UVRAG: variants seen among roughly 807,000 people sequenced by gnomAD.
UVRAG encodes UV radiation resistance-associated gene protein.
Under a neutral mutation model 78.0 loss-of-function variants are expected in UVRAG, and 19 were observed. That is an observed-to-expected ratio of 0.24 (90% CI 0.17 to 0.36). The LOEUF (loss-of-function observed/expected upper bound fraction) is 0.36, where lower values mean the gene tolerates loss of function less well. UVRAG is among the 10% of genes least tolerant of loss of function. The probability of loss-of-function intolerance (pLI) is 1.00; values close to 1 mark genes in which losing one functional copy is unlikely to be tolerated. For missense variants in UVRAG, 740 were observed against 853.8 expected (o/e 0.87, Z 1.66); for synonymous variants, 323 against 324.6 (o/e 1.00, Z 0.05).
chr11:76,141,271 A>G lies in UVRAG; in HGVS notation c.1958A>G (p.Asn653Ser), dbSNP rs1156469349. ...FASGDQLEAF[N>S]CIPVDSAVAV... is the part of the protein sequence containing the mutation. ...TCAGGTGATCAGCTAGAAGCATTTA[A>G]CTGCATCCCAGTGGACAGTGCTGTG... The change falls in exon 15 of 15, where the codon AAC becomes AGC. Residue 653 changes from asparagine to serine, a missense_variant. Coordinates refer to ENST00000356136, the MANE Select transcript of UVRAG (RefSeq NM_003369.4). 1 of 1,614,230 alleles carries G rather than the reference A, an allele frequency of 6.2e-7. No individual in the cohort carries two copies. Among genetic ancestry groups the G allele is most frequent in the Admixed American group, 1.7e-5 (1 of 60,032 alleles).
chr11:75,962,080 CT>C (rs933676350), intron 7 of UVRAG, among the ~76,000 whole-genome samples: 1 of 151,594 alleles, frequency 6.6e-6, no homozygotes, highest in Non-Finnish European at 1.5e-5. Flanking sequence ...GGAAAAATGT[CT>C]ATTTTGTAAT....
chr11:76,140,114 T>TA lies in UVRAG; in HGVS notation c.1398-597_1398-596insA, dbSNP rs1565177392. ...CCCCCTCCCTCCCTCCCTCCCTCCC[T>TA]CTCTCTCTCTCTCTCTCTCTCTCTC... On this transcript the variant is annotated intron_variant, in intron 14 of 14. Transcript: ENST00000356136. Among the ~76,000 whole-genome samples, 327 of 34,692 alleles carry TA rather than the reference T, an allele frequency of 9.4e-3. 7 individuals carry two copies. Among genetic ancestry groups the TA allele is most frequent in the South Asian group, 0.024 (11 of 450 alleles). 22.8% of individuals were successfully genotyped at this position (34,692 alleles called of 152,430 possible).
intron 3 of UVRAG, among the ~76,000 whole-genome samples, chr11:75,875,937 G>C (rs1946766213): frequency 6.6e-6 from 1 of 152,090 alleles, no homozygotes; most frequent in Non-Finnish European, 1.5e-5. Context: ...ACTTTGGGAC[G>C]CTGAGGTGGG....
At chr11:76,083,426 G>T (rs1371670419) in intron 13 of UVRAG, among the ~76,000 whole-genome samples, 3 of 152,096 alleles carry the variant, frequency 2.0e-5, no homozygotes, top group African/African-American at 7.2e-5. Context: ...AGTTTTGGCT[G>T]TTTTTTCTTT....
At chr11:76,124,982 G>T (rs1029587112) in intron 14 of UVRAG, among the ~76,000 whole-genome samples, 2 of 152,168 alleles carry the variant, frequency 1.3e-5, no homozygotes, top group African/African-American at 4.8e-5. Context: ...TCTTGAAAAT[G>T]AGGCAGTATC....
At chr11:76,040,364 T>C (rs1950622323) in intron 12 of UVRAG, among the ~76,000 whole-genome samples, 1 of 151,614 alleles carries the variant, frequency 6.6e-6, no homozygotes, top group South Asian at 2.1e-4. Flanking sequence ...TCCCAGCTAC[T>C]TGGGAGGCTA....
At chr11:75,997,757 A>G (rs1314993937) in intron 8 of UVRAG, among the ~76,000 whole-genome samples, 18 of 152,234 alleles carry the variant, frequency 1.2e-4, no homozygotes, top group Admixed American at 1.2e-3. Context: ...GGCTGCAGGT[A>G]GGGTTCCTGA....
chr11:76,025,658 C>T (rs1347854314), intron 12 of UVRAG, among the ~76,000 whole-genome samples: 1 of 152,012 alleles, frequency 6.6e-6, no homozygotes, highest in African/African-American at 2.4e-5. Context: ...TTACCAAAAC[C>T]CCAAGAGTTG....
At chr11:76,061,790 TAGTG>T (rs1256858881) in intron 12 of UVRAG, among the ~76,000 whole-genome samples, 2 of 152,196 alleles carry the variant, frequency 1.3e-5, no homozygotes, top group Admixed American at 1.3e-4. Flanking sequence ...TTCTTGAAGT[TAGTG>T]AGACCAAGAA....
chr11:75,843,947 A>G (rs1945974048), intron 1 of UVRAG, among the ~76,000 whole-genome samples: 1 of 149,360 alleles, frequency 6.7e-6, no homozygotes, highest in South Asian at 2.1e-4. Context: ...TGACAGAGCA[A>G]GACGCCATCT....
rs563520430 is a variant in UVRAG at position 76,095,528 on chromosome 11, AAT to A, written c.1306-20391_1306-20390del. 1.8e-3 allele frequency among the ~76,000 whole-genome samples: 268 copies of A among 150,402 alleles called. 1 individual carries two copies. The highest frequency in any genetic ancestry group is 6.1e-3 in the African/African-American group (252 of 41,240). On this transcript the variant is annotated intron_variant, in intron 13 of 14. Coordinates refer to ENST00000356136, the MANE Select transcript of UVRAG (RefSeq NM_003369.4). Reference sequence around the variant, plus strand: ...CTCATATATCATATATTCATATATAAATATATGTCTTATATATCATATATTCA... The same window carrying A: ...CTCATATATCATATATTCATATATAAATATGTCTTATATATCATATATTCA...
intron 3 of UVRAG, among the ~76,000 whole-genome samples, chr11:75,877,630 C>T (rs1271543558): frequency 3.5e-5 from 5 of 140,894 alleles, no homozygotes; most frequent in African/African-American, 8.0e-5. Flanking sequence ...ACCTCCCTCC[C>T]GGACGGAGCG....
chr11:76,021,132 C>T (rs1165003083), intron 12 of UVRAG, among the ~76,000 whole-genome samples: 1 of 152,162 alleles, frequency 6.6e-6, no homozygotes, highest in African/African-American at 2.4e-5. Context: ...TCTGTCTTTC[C>T]TACCGTCTTC....
At chr11:76,081,938 C>CAAAAAAA (rs775703377) in intron 13 of UVRAG, among the ~76,000 whole-genome samples, 3 of 69,662 alleles carry the variant, frequency 4.3e-5, no homozygotes, top group African/African-American at 4.1e-5. Context: ...AGAACCAAAG[C>CAAAAAAA]AAAAAAAAAA....
intron 12 of UVRAG, among the ~76,000 whole-genome samples, chr11:76,059,909 A>G (rs141658588): frequency 3.2e-4 from 49 of 152,204 alleles, no homozygotes; most frequent in African/African-American, 1.1e-3. Context: ...TGGCAGAAGT[A>G]ATCTTAATAT....
intron 5 of UVRAG, among the ~76,000 whole-genome samples, chr11:75,910,539 C>CTTTTTTTTT (rs935961405): frequency 8.1e-6 from 1 of 124,062 alleles, no homozygotes; most frequent in Non-Finnish European, 1.7e-5. Context: ...TCCTTTTTAT[C>CTTTTTTTTT]TTTTTTTTTT....
intron 12 of UVRAG, among the ~76,000 whole-genome samples, chr11:76,030,574 C>G (rs1950417619): frequency 6.6e-6 from 1 of 152,092 alleles, no homozygotes; most frequent in African/African-American, 2.4e-5. Flanking sequence ...AGTCATATCC[C>G]CAGGTTCCTT....
intron 12 of UVRAG, among the ~76,000 whole-genome samples, chr11:76,017,695 T>C (rs1950174894): frequency 6.6e-6 from 1 of 152,160 alleles, no homozygotes; most frequent in Middle Eastern, 3.2e-3. Flanking sequence ...GAAAGCTGAT[T>C]TCTCAATGGA....
At chr11:76,127,910 TTGCACCAC>T (rs1952439945) in intron 14 of UVRAG, among the ~76,000 whole-genome samples, 1 of 151,580 alleles carries the variant, frequency 6.6e-6, no homozygotes, top group Admixed American at 6.6e-5. Context: ...TGAGCCAAGA[TTGCACCAC>T]TGCACTCAAG....
Sources: allele counts gnomAD v4.1 joint callset (sites outside exome capture counted in the v4.1 genomes callset), GRCh38; gene constraint gnomAD v4.1.1; transcripts MANE v1.5; gene names NCBI Gene and HGNC (gene_info 2026-07-23, HGNC 2026-07-21).